Variants in FNIP2 observed in about 807,000 individuals in gnomAD.
FNIP2 encodes folliculin interacting protein 2, also known as folliculin-interacting protein 2.
FNIP2 carries 32 observed loss-of-function variants against 108.7 expected under a neutral mutation model. The ratio of observed to expected loss-of-function variants is 0.29; its 90% CI spans 0.22 to 0.40. FNIP2 has a LOEUF of 0.40. Among genes scored for constraint, FNIP2 ranks in the 10% least tolerant of loss-of-function variants. FNIP2 has a pLI of 1.00. For missense variants in FNIP2, 1,202 were observed against 1,381.6 expected (o/e 0.87, Z 2.06); for synonymous variants, 480 against 496.7 (o/e 0.97, Z 0.45).
At chr4:158,827,322 G>GA (rs1471295929) in intron 2 of FNIP2, among the ~76,000 whole-genome samples, 3 of 152,326 alleles carry the variant, frequency 2.0e-5, no homozygotes, top group Admixed American at 6.5e-5. Flanking sequence ...TAGTTGAGCA[G>GA]CTATCACTGG....
chr4:158,835,398 A>G lies in FNIP2; in HGVS notation c.656-7A>G, dbSNP rs1293321793. ...AATAACATGGTTTTCTTGTTCCTTT[A>G]TCTTAGCACACAGCACACCAGTTGA... On this transcript the variant is annotated splice_polypyrimidine_tract_variant and splice_region_variant and intron_variant, in intron 6 of 16. Transcript: ENST00000264433. 5 of 1,611,778 alleles carry G rather than the reference A, an allele frequency of 3.1e-6. No individual in the cohort carries two copies. Among genetic ancestry groups the G allele is most frequent in the Non-Finnish European group, 4.2e-6 (5 of 1,178,510 alleles).
At chr4:158,815,566 G>C (rs747761021) in intron 1 of FNIP2, among the ~76,000 whole-genome samples, 2 of 151,908 alleles carry the variant, frequency 1.3e-5, no homozygotes, top group Non-Finnish European at 2.9e-5. Flanking sequence ...GGGGTTTCAC[G>C]TGTTAGCCAG....
intron 7 of FNIP2, among the ~76,000 whole-genome samples, chr4:158,844,466 G>A (rs1779292925): frequency 6.6e-6 from 1 of 152,190 alleles, no homozygotes; most frequent in Non-Finnish European, 1.5e-5. Flanking sequence ...TAAAGGTGAT[G>A]TCGACCACTG....
At chr4:158,784,076 A>C (rs534808304) in intron 1 of FNIP2, among the ~76,000 whole-genome samples, 247 of 152,336 alleles carry the variant, frequency 1.6e-3, no homozygotes, top group African/African-American at 5.5e-3. Context: ...GGAAATAGGG[A>C]AGTTACAAGG....
At chr4:158,830,311 G>A (rs1295397578) in intron 3 of FNIP2, among the ~76,000 whole-genome samples, 1 of 146,212 alleles carries the variant, frequency 6.8e-6, no homozygotes, top group African/African-American at 2.6e-5. Flanking sequence ...GCCGGACTGC[G>A]GACTGCAGTG....
intron 1 of FNIP2, among the ~76,000 whole-genome samples, chr4:158,799,610 T>C (rs772239027): frequency 2.0e-5 from 3 of 152,202 alleles, no homozygotes; most frequent in Non-Finnish European, 4.4e-5. Flanking sequence ...GCTTCCAACT[T>C]CTTAAGCAGC....
At chr4:158,893,572 G>A (rs527358730) in intron 15 of FNIP2, 48 of 726,046 alleles carry the variant, frequency 6.6e-5, no homozygotes, top group Admixed American at 3.8e-4. Context: ...AAGCTGAAGC[G>A]TACTCTTGCA....
At chr4:158,838,229 C>CT (rs550985480) in intron 7 of FNIP2, among the ~76,000 whole-genome samples, 59,027 of 117,556 alleles carry the variant, frequency 0.5, 16,367 homozygotes, top group East Asian at 0.82. Flanking sequence ...TTTAGGCCTG[C>CT]TTTTTTTTTT....
At chr4:158,807,876 A>G (rs1009624530) in intron 1 of FNIP2, among the ~76,000 whole-genome samples, 13 of 152,220 alleles carry the variant, frequency 8.5e-5, no homozygotes, top group African/African-American at 3.1e-4. Flanking sequence ...GGAGGAGGTA[A>G]TGATATGGTA....
chr4:158,839,724 G>A (rs1394406278), intron 7 of FNIP2, among the ~76,000 whole-genome samples: 1 of 152,166 alleles, frequency 6.6e-6, no homozygotes, highest in East Asian at 1.9e-4. Context: ...AGCTCTCTCA[G>A]TAGGCTCCCA....
Position 158,861,656 on chromosome 4 carries a change from G to A in FNIP2, c.1345G>A (p.Val449Ile), listed in dbSNP as rs1360382556. Residue 449 changes from valine to isoleucine, a missense_variant, in exon 12 of 17, where the codon GTC (valine) becomes ATC (isoleucine). This residue lies in a region of FNIP2 where 878 missense variants were observed against 990.3 expected (regional missense o/e 0.89). Coordinates refer to ENST00000264433, the MANE Select transcript of FNIP2 (RefSeq NM_020840.3). ...TAVLTYHLAW[V>I]PTVMPVDHPP... is the part of the protein sequence containing the mutation. ...GGTGTTAACCTACCACCTGGCCTGG[G>A]TCCCAACTGTCATGCCTGTGGATCA... 1 of 1,613,836 alleles carries A rather than the reference G, an allele frequency of 6.2e-7. No individual in the cohort carries two copies. The highest frequency in any genetic ancestry group is 1.3e-5 in the African/African-American group (1 of 74,890).
intron 14 of FNIP2, chr4:158,872,481 C>T (rs1346909862): frequency 2.0e-6 from 2 of 985,264 alleles, no homozygotes; most frequent in Non-Finnish European, 2.4e-6. Context: ...TGCAATCACC[C>T]TGAGAGATCG....
At chr4:158,811,683 C>A (rs1057231653) in intron 1 of FNIP2, among the ~76,000 whole-genome samples, 3 of 152,146 alleles carry the variant, frequency 2.0e-5, no homozygotes, top group Non-Finnish European at 4.4e-5. Flanking sequence ...CAAACACACA[C>A]AAAACTTCTG....
chr4:158,868,664 G>A lies in FNIP2; in HGVS notation c.2028G>A (p.Lys676=), dbSNP rs1232830995. 2 of 1,614,052 alleles carry A rather than the reference G, an allele frequency of 1.2e-6. No individual in the cohort carries two copies. The part of the protein sequence containing the change: ...PSCEVLGAGM[K]MDQQAVCELL... ...GTGAAGTTTTGGGGGCAGGAATGAAGATGGACCAGCAAGCTGTCTGTGAGC... is the reference window on the plus strand; with the variant it reads ...GTGAAGTTTTGGGGGCAGGAATGAAAATGGACCAGCAAGCTGTCTGTGAGC... Residue 676 remains lysine, a synonymous_variant, in exon 13 of 17, where the codon AAG becomes AAA. Coordinates refer to ENST00000264433, the MANE Select transcript of FNIP2 (RefSeq NM_020840.3). This position sits in a 1 kb window ranked among gnomAD's most constrained non-coding sequence, Gnocchi z 4.6.
intron 1 of FNIP2, among the ~76,000 whole-genome samples, chr4:158,781,449 G>C (rs1776043274): frequency 6.7e-6 from 1 of 149,686 alleles, no homozygotes; most frequent in Non-Finnish European, 1.5e-5. Flanking sequence ...AAGTGTAGAT[G>C]GGGAGGGACC....
In FNIP2 at chr4:158,885,458, T is replaced by C. The variant is rs544185188; in HGVS notation, c.2950-5988T>C. ...TAGATTTTAGAGTTGGTGAAGGAAA[T>C]GATCATGTGGTATTTTAAGAAGTTT... On this transcript the variant is annotated intron_variant, in intron 14 of 16. Coordinates refer to ENST00000264433, the MANE Select transcript of FNIP2 (RefSeq NM_020840.3). 3.9e-5 allele frequency among the ~76,000 whole-genome samples: 6 copies of C among 152,220 alleles called. No individual in the cohort carries two copies. In the East Asian group the frequency reaches 7.7e-4, roughly 20 times the overall value.
At chr4:158,804,542 A>G (rs1776873312) in intron 1 of FNIP2, among the ~76,000 whole-genome samples, 1 of 151,350 alleles carries the variant, frequency 6.6e-6, no homozygotes, top group Non-Finnish European at 1.5e-5. Context: ...CTTCCTAAGT[A>G]GCTGGGACTA....
chr4:158,812,450 TACA>T (rs1406265466), intron 1 of FNIP2, among the ~76,000 whole-genome samples: 1 of 152,174 alleles, frequency 6.6e-6, no homozygotes, highest in Non-Finnish European at 1.5e-5. Context: ...TTCTCATCTT[TACA>T]GGGTATTCTG....
At chr4:158,811,001 T>G (rs1450264077) in intron 1 of FNIP2, among the ~76,000 whole-genome samples, 1 of 152,202 alleles carries the variant, frequency 6.6e-6, no homozygotes, top group Non-Finnish European at 1.5e-5. Flanking sequence ...AGCCAAATAA[T>G]TGCTGAACAG....
Sources: allele counts gnomAD v4.1 joint callset (sites outside exome capture counted in the v4.1 genomes callset), GRCh38; gene constraint gnomAD v4.1.1; regional missense constraint gnomAD v4.1.1; non-coding constraint Gnocchi (gnomAD v3.1); transcripts MANE v1.5; gene names NCBI Gene and HGNC (gene_info 2026-07-23, HGNC 2026-07-21).